The following DIAPH1 variants were observed in gnomAD, a reference collection of about 807,000 sequenced individuals.
DIAPH1 encodes the protein protein diaphanous homolog 1.
A neutral mutation model predicts 140.7 loss-of-function variants in DIAPH1; 46 were observed. The ratio of observed to expected loss-of-function variants is 0.33; its 90% CI spans 0.26 to 0.42. The LOEUF (loss-of-function observed/expected upper bound fraction) is 0.42, where lower values mean the gene tolerates loss of function less well. Ranked by LOEUF, DIAPH1 falls within the 10% of genes least tolerant of loss-of-function variation. DIAPH1 has a pLI of 1.00. For synonymous variants in DIAPH1, 565 were observed against 551.6 expected (o/e 1.02, Z -0.34); for missense variants, 1,310 against 1,558.7 (o/e 0.84, Z 2.69).
At position 141,579,187 on chromosome 5, in the gene DIAPH1, C is replaced by G; in HGVS notation, c.834G>C (p.Arg278Ser). The change falls in exon 9 of 28, where the codon AGG (arginine) becomes AGC (serine). Residue 278 changes from arginine to serine, a missense_variant. Physicochemically the swap from Arg to Ser is moderately radical, Grantham distance 110. Transcript: ENST00000389054. ...ILPQPEDMNE[R>S]VLEAMTERAE... ...CTCTTTCTGTCATTGCCTCCAAAACCCTTTCATTCCTGCCCAAGAGAAAGG... is the reference window on the plus strand; with the variant it reads ...CTCTTTCTGTCATTGCCTCCAAAACGCTTTCATTCCTGCCCAAGAGAAAGG... The G allele has an allele frequency of 6.2e-7, 1 of 1,613,736 alleles. No individual in the cohort carries two copies.
intron 1 of DIAPH1, among the ~76,000 whole-genome samples, chr5:141,618,123 T>C (rs1265841486): frequency 1.3e-5 from 2 of 152,164 alleles, no homozygotes; most frequent in African/African-American, 4.8e-5. Context: ...AGAGAGGTTC[T>C]CTGGAGAGAG....
intron 18 of DIAPH1, among the ~76,000 whole-genome samples, chr5:141,535,028 C>A (rs1277851335): frequency 6.6e-6 from 1 of 152,206 alleles, no homozygotes; most frequent in Non-Finnish European, 1.5e-5. Context: ...GGCTCACTTG[C>A]AGCCTTGACC....
At position 141,580,724 on chromosome 5, in the gene DIAPH1, A is replaced by G; in HGVS notation, c.824+20T>C. The stretch of plus-strand genomic sequence containing the variant: ...TGATAAAATTGAAAATGGAGAAGAA[A>G]AATTATTCCAGTCACATACATGTCC... On this transcript the variant is annotated intron_variant, in intron 8 of 27. Transcript: ENST00000389054. 2 of 1,613,038 alleles carry G rather than the reference A, an allele frequency of 1.2e-6. No homozygotes were observed. Among genetic ancestry groups the G allele is most frequent in the Non-Finnish European group, 1.7e-6 (2 of 1,179,916 alleles).
chr5:141,611,136 C>T (rs1029319310), intron 1 of DIAPH1, among the ~76,000 whole-genome samples: 2 of 151,946 alleles, frequency 1.3e-5, no homozygotes, highest in African/African-American at 4.8e-5. Context: ...ATTAGCCAGG[C>T]ATGGTGGTCC....
intron 3 of DIAPH1, among the ~76,000 whole-genome samples, chr5:141,585,509 G>A (rs1011011434): frequency 1.3e-5 from 2 of 151,928 alleles, no homozygotes; most frequent in Non-Finnish European, 2.9e-5. Context: ...TCAATAGTAA[G>A]GATAAAAGAA....
chr5:141,581,803 C>T (rs1354202975), intron 7 of DIAPH1: 2 of 153,408 alleles, frequency 1.3e-5, no homozygotes, highest in African/African-American at 4.8e-5. Context: ...GCCTGTAATC[C>T]CAGCACTTTG....
chr5:141,553,107 G>A (rs1002577510), intron 18 of DIAPH1, among the ~76,000 whole-genome samples: 1 of 151,872 alleles, frequency 6.6e-6, no homozygotes, highest in Non-Finnish European at 1.5e-5. Context: ...TAGCCAACAC[G>A]GTGAAAAAAC....
chr5:141,576,397 T>C (rs910425794), intron 13 of DIAPH1, 103 bp from the exon 14 acceptor site: 5 of 975,648 alleles, frequency 5.1e-6, no homozygotes, highest in Non-Finnish European at 6.6e-6. Flanking sequence ...ATTTTTATTA[T>C]CTTTCTTAAT....
intron 18 of DIAPH1, among the ~76,000 whole-genome samples, chr5:141,557,526 T>TC (rs2099892808): frequency 6.6e-6 from 1 of 152,204 alleles, no homozygotes; most frequent in Non-Finnish European, 1.5e-5. Flanking sequence ...GGCATTTGAT[T>TC]CTTCCCAGAC....
chr5:141,589,363 G>C (rs558133853), intron 1 of DIAPH1, among the ~76,000 whole-genome samples: 3 of 152,308 alleles, frequency 2.0e-5, no homozygotes, highest in African/African-American at 7.2e-5. Context: ...AAAGTTGTCT[G>C]ATTTATTGCT....
chr5:141,532,239 A>C (rs2099888340), intron 19 of DIAPH1, among the ~76,000 whole-genome samples: 1 of 151,766 alleles, frequency 6.6e-6, no homozygotes, highest in South Asian at 2.1e-4. Context: ...TGGTGCAATC[A>C]CAGCTCACTG....
intron 18 of DIAPH1, chr5:141,558,269 TA>T (rs1562308475): frequency 1.3e-5 from 2 of 152,132 alleles, no homozygotes; most frequent in Non-Finnish European, 2.9e-5. Flanking sequence ...TGATCAGTAA[TA>T]GTTTCTAGGA....
At chr5:141,532,648 CTTTCTGTCTTTACCA>C (rs769715127) in intron 19 of DIAPH1, among the ~76,000 whole-genome samples, 4 of 152,164 alleles carry the variant, frequency 2.6e-5, no homozygotes, top group Non-Finnish European at 4.4e-5. Context: ...TATCATCTGC[CTTTCTGTCTTTACCA>C]AATACGTGGC....
Position 141,527,699 on chromosome 5 carries a change from TAAAAAAAA to T in DIAPH1, c.3149-10_3149-3del. 2.7e-6 allele frequency: 3 copies of T among 1,130,056 alleles called. No individual in the cohort carries two copies. The highest frequency in any genetic ancestry group is 2.2e-6 in the Non-Finnish European group (2 of 891,134). The allele number at this position is 1,130,056 out of a possible 1,614,324, so 70.0% of individuals were successfully genotyped here. A position where few individuals can be genotyped will look rare whatever the true frequency, so the allele number is the denominator to read the frequency against. On this transcript the variant is annotated splice_polypyrimidine_tract_variant and splice_region_variant and intron_variant, in intron 23 of 27. Coordinates refer to ENST00000389054, the MANE Select transcript of DIAPH1 (RefSeq NM_005219.5). Reference sequence around the variant, plus strand: ...TCTTTTGCAAGTTTTCAGCAGAAACTAAAAAAAAAAAAAAAAAAAAAAACCATAAAAAC... The same window carrying T: ...TCTTTTGCAAGTTTTCAGCAGAAACTAAAAAAAAAAAAAAACCATAAAAAC...
intron 18 of DIAPH1, among the ~76,000 whole-genome samples, chr5:141,556,817 G>A (rs1448940376): frequency 2.6e-5 from 4 of 152,030 alleles, no homozygotes; most frequent in African/African-American, 4.8e-5. Context: ...TCAGCCTCCC[G>A]AGTAGCTGGA....
intron 18 of DIAPH1, among the ~76,000 whole-genome samples, chr5:141,568,666 G>GA (rs1293101624): frequency 7.9e-5 from 12 of 152,234 alleles, no homozygotes; most frequent in African/African-American, 2.9e-4. Flanking sequence ...TTCACTACAG[G>GA]AGGCAAATGT....
chr5:141,605,011 A>C (rs1324598620), intron 1 of DIAPH1, among the ~76,000 whole-genome samples: 1 of 152,208 alleles, frequency 6.6e-6, no homozygotes, highest in Non-Finnish European at 1.5e-5. Context: ...TAACACAAAC[A>C]CACACAGAAT....
chr5:141,544,301 A>G (rs1017976200), intron 18 of DIAPH1, among the ~76,000 whole-genome samples: 33 of 152,018 alleles, frequency 2.2e-4, no homozygotes, highest in African/African-American at 7.5e-4. Context: ...CAAGAGTGAG[A>G]CTCCATCTCA....
chr5:141,559,876 T>G (rs972456104), intron 18 of DIAPH1, among the ~76,000 whole-genome samples: 7 of 152,196 alleles, frequency 4.6e-5, no homozygotes, highest in Admixed American at 3.3e-4. Flanking sequence ...GATTAAAAAA[T>G]GTTTTATTAT....
Sources: allele counts gnomAD v4.1 joint callset (sites outside exome capture counted in the v4.1 genomes callset), GRCh38; gene constraint gnomAD v4.1.1; transcripts MANE v1.5; gene names NCBI Gene and HGNC (gene_info 2026-07-23, HGNC 2026-07-21).